LRMDA: variants seen among roughly 807,000 people sequenced by gnomAD.
The protein encoded by LRMDA is leucine rich melanocyte differentiation associated.
Under a neutral mutation model 29.8 loss-of-function variants are expected in LRMDA, and 18 were observed. The ratio of observed to expected loss-of-function variants is 0.60; its 90% CI spans 0.42 to 0.90. The LOEUF (loss-of-function observed/expected upper bound fraction) is 0.90, where lower values mean the gene tolerates loss of function less well. LRMDA is among the 40% of genes least tolerant of loss of function. The pLI is 0.00. For synonymous variants in LRMDA, 125 were observed against 109.4 expected (o/e 1.14, Z -0.89); for missense variants, 273 against 273.9 (o/e 1.00, Z 0.02).
intron 5 of LRMDA, among the ~76,000 whole-genome samples, chr10:76,223,573 G>A (rs1053630913): frequency 2.0e-5 from 3 of 152,136 alleles, no homozygotes; most frequent in African/African-American, 7.2e-5. Flanking sequence ...CATGAGGGTG[G>A]AGCCCTCATA....
At chr10:76,176,925 A>C (rs1181547862) in intron 5 of LRMDA, among the ~76,000 whole-genome samples, 1 of 152,212 alleles carries the variant, frequency 6.6e-6, no homozygotes, top group Non-Finnish European at 1.5e-5. Flanking sequence ...TTCTTCCAGC[A>C]CCATCCAATT....
chr10:76,302,353 C>A (rs936855109), intron 5 of LRMDA, among the ~76,000 whole-genome samples: 1 of 152,190 alleles, frequency 6.6e-6, no homozygotes, highest in Non-Finnish European at 1.5e-5. Context: ...ATGTGTTTCA[C>A]TATCTTCCCT....
At chr10:75,478,594 A>G (rs1252705349) in intron 2 of LRMDA, among the ~76,000 whole-genome samples, 1 of 152,180 alleles carries the variant, frequency 6.6e-6, no homozygotes, top group Non-Finnish European at 1.5e-5. Context: ...ACTGATTTTA[A>G]TGAAATTCTG....
At chr10:75,612,275 A>G (rs747450026) in intron 2 of LRMDA, among the ~76,000 whole-genome samples, 27 of 152,214 alleles carry the variant, frequency 1.8e-4, no homozygotes, top group Non-Finnish European at 3.7e-4. Flanking sequence ...TGTGCTCTGA[A>G]CCGTGCTGGG....
intron 2 of LRMDA, among the ~76,000 whole-genome samples, chr10:75,482,236 T>A (rs1050048817): frequency 6.6e-6 from 1 of 152,096 alleles, no homozygotes; most frequent in Non-Finnish European, 1.5e-5. Flanking sequence ...AATTGCATCT[T>A]CTGTTTGGCC....
intron 6 of LRMDA, among the ~76,000 whole-genome samples, chr10:76,517,867 T>C (rs1373314749): frequency 1.3e-5 from 2 of 150,804 alleles, no homozygotes; most frequent in Non-Finnish European, 3.0e-5. Context: ...TGATATATTT[T>C]CACGAATCAC....
intron 2 of LRMDA, among the ~76,000 whole-genome samples, chr10:75,548,700 T>C (rs142481035): frequency 3.3e-5 from 5 of 152,278 alleles, no homozygotes; most frequent in African/African-American, 1.2e-4. Context: ...CTTCATGTTA[T>C]TGAAATATGT....
chr10:76,331,542 G>A (rs1036914926), intron 6 of LRMDA, among the ~76,000 whole-genome samples: 2 of 152,134 alleles, frequency 1.3e-5, no homozygotes, highest in African/African-American at 2.4e-5. Flanking sequence ...AGTGGCAAAA[G>A]GAAAGAGAGA....
At chr10:76,517,571 T>G (rs1022557901) in intron 6 of LRMDA, among the ~76,000 whole-genome samples, 15 of 152,098 alleles carry the variant, frequency 9.9e-5, no homozygotes, top group African/African-American at 3.6e-4. Flanking sequence ...TAACTGTATA[T>G]TCAACTAAAA....
intron 2 of LRMDA, among the ~76,000 whole-genome samples, chr10:75,645,586 A>G (rs1564529785): frequency 6.6e-6 from 1 of 152,112 alleles, no homozygotes; most frequent in Non-Finnish European, 1.5e-5. Context: ...GGGGGAACCC[A>G]TGGGTTGGGA....
At chr10:75,851,791 C>T (rs1005946527) in intron 2 of LRMDA, among the ~76,000 whole-genome samples, 13 of 152,176 alleles carry the variant, frequency 8.5e-5, no homozygotes, top group East Asian at 3.9e-4. Flanking sequence ...CTTCTGAAGA[C>T]GACAGTGTTA....
chr10:75,522,405 A>G (rs1845372193), intron 2 of LRMDA, among the ~76,000 whole-genome samples: 1 of 152,230 alleles, frequency 6.6e-6, no homozygotes, highest in African/African-American at 2.4e-5. Flanking sequence ...AAGTAGTTTC[A>G]TGTAAGATAA....
chr10:75,629,608 A>T (rs1222614689), intron 2 of LRMDA, among the ~76,000 whole-genome samples: 8 of 85,450 alleles, frequency 9.4e-5, no homozygotes, highest in Non-Finnish European at 2.0e-4. Flanking sequence ...AATGAGCATT[A>T]AGTCCTCTTT....
At chr10:75,830,765 C>T (rs1419960986) in intron 2 of LRMDA, among the ~76,000 whole-genome samples, 1 of 152,168 alleles carries the variant, frequency 6.6e-6, no homozygotes, top group Non-Finnish European at 1.5e-5. Flanking sequence ...TCCCAAATCT[C>T]ATATCTTCAC....
chr10:76,093,479 GA>G (rs1187239478), intron 5 of LRMDA, among the ~76,000 whole-genome samples: 2 of 151,996 alleles, frequency 1.3e-5, no homozygotes, highest in Non-Finnish European at 2.9e-5. Context: ...TCTCCCACCT[GA>G]AAGATGAAGT....
At chr10:76,292,292 G>A (rs1229566579) in intron 5 of LRMDA, among the ~76,000 whole-genome samples, 1 of 152,156 alleles carries the variant, frequency 6.6e-6, no homozygotes, top group Non-Finnish European at 1.5e-5. Flanking sequence ...TATATCCACA[G>A]TTTGGCAGAA....
chr10:75,750,225 C>G lies in LRMDA; in HGVS notation c.132-285783C>G, dbSNP rs946712735. Among the ~76,000 whole-genome samples, 10 of 148,898 alleles carry G rather than the reference C, an allele frequency of 6.7e-5. No individual in the cohort carries two copies. In the East Asian group the frequency reaches 1.9e-3, roughly 28 times the overall value. On this transcript the variant is annotated intron_variant, in intron 2 of 6. Transcript: ENST00000611255. Reference sequence around the variant, plus strand: ...GTGGTCGGGCAGAGGCGCCCCCCACCTCCCGGACAGGGCGGCTGCCGGGCG... The same window carrying G: ...GTGGTCGGGCAGAGGCGCCCCCCACGTCCCGGACAGGGCGGCTGCCGGGCG...
chr10:76,491,335 G>A (rs964642160), intron 6 of LRMDA, among the ~76,000 whole-genome samples: 1 of 151,924 alleles, frequency 6.6e-6, no homozygotes. Context: ...TTAAAGAACT[G>A]CTTTTAGCAT....
chr10:76,521,816 C>T (rs922176287), intron 6 of LRMDA, among the ~76,000 whole-genome samples: 2 of 152,118 alleles, frequency 1.3e-5, no homozygotes, highest in African/African-American at 4.8e-5. Flanking sequence ...TATTAGTTAG[C>T]TCTCATGTAT....
Sources: gnomAD v4.1 joint callset for allele counts (sites outside exome capture counted in the v4.1 genomes callset) on GRCh38, gnomAD v4.1.1 for gene constraint, MANE v1.5 for transcripts, NCBI Gene and HGNC (gene_info 2026-07-23, HGNC 2026-07-21) for gene names.